Variants in ARHGEF10L observed in about 807,000 individuals in gnomAD.
The protein encoded by ARHGEF10L is rho guanine nucleotide exchange factor 10-like protein.
ARHGEF10L carries 69 observed loss-of-function variants against 141.2 expected under a neutral mutation model. That is an observed-to-expected ratio of 0.49 (90% CI 0.40 to 0.60). The LOEUF (loss-of-function observed/expected upper bound fraction) is 0.60, where lower values mean the gene tolerates loss of function less well. Among genes scored for constraint, ARHGEF10L ranks in the 20% least tolerant of loss-of-function variants. The probability of loss-of-function intolerance (pLI) is 0.00; values close to 1 mark genes in which losing one functional copy is unlikely to be tolerated. For missense variants in ARHGEF10L, 1,482 were observed against 1,734.3 expected (o/e 0.85, Z 2.58); for synonymous variants, 711 against 718.5 (o/e 0.99, Z 0.17).
intron 4 of ARHGEF10L, among the ~76,000 whole-genome samples, chr1:17,596,054 C>T (rs74059337): frequency 6.0e-4 from 91 of 152,312 alleles, no homozygotes; most frequent in Non-Finnish European, 1.2e-3. Context: ...TTCTTCCCCC[C>T]TCACGCCTGG....
chr1:17,653,236 G>A (rs978415786), intron 22 of ARHGEF10L, among the ~76,000 whole-genome samples: 4 of 152,214 alleles, frequency 2.6e-5, no homozygotes, highest in Non-Finnish European at 4.4e-5. Flanking sequence ...TGGGGCTGGA[G>A]CCGTGTTGGC....
intron 19 of ARHGEF10L, 140 bp from the exon 20 acceptor site, chr1:17,638,422 C>A: frequency 1.6e-6 from 2 of 1,282,136 alleles, no homozygotes; most frequent in Non-Finnish European, 2.1e-6. Flanking sequence ...CTGCGTGGGG[C>A]TAAATGTGCA....
intron 1 of ARHGEF10L, among the ~76,000 whole-genome samples, chr1:17,570,731 C>T (rs2077960854): frequency 6.6e-6 from 1 of 151,918 alleles, no homozygotes; most frequent in African/African-American, 2.4e-5. Context: ...TTGAATAGCC[C>T]AGGTGAGAGA....
chr1:17,594,188 G>A (rs2079859227), intron 4 of ARHGEF10L, among the ~76,000 whole-genome samples: 1 of 152,000 alleles, frequency 6.6e-6, no homozygotes, highest in Non-Finnish European at 1.5e-5. Context: ...CGCTCTGAGA[G>A]CTTTCCCTCC....
intron 26 of ARHGEF10L, among the ~76,000 whole-genome samples, chr1:17,668,707 A>G (rs2063132985): frequency 6.6e-6 from 1 of 152,232 alleles, no homozygotes; most frequent in Non-Finnish European, 1.5e-5. Context: ...ATGTGCAGCC[A>G]GGGAAATGGA....
intron 9 of ARHGEF10L, chr1:17,618,348 C>T (rs780963702): frequency 6.5e-7 from 1 of 1,538,132 alleles, no homozygotes; most frequent in Non-Finnish European, 8.8e-7. Context: ...GAATCACAGG[C>T]CAAGAATGTT....
intron 6 of ARHGEF10L, among the ~76,000 whole-genome samples, chr1:17,605,818 T>C (rs2081120850): frequency 6.6e-6 from 1 of 152,194 alleles, no homozygotes; most frequent in South Asian, 2.1e-4. Flanking sequence ...CTTTGGCCAC[T>C]AGTTCAGGGG....
chr1:17,598,599 C>T (rs1057512400), intron 4 of ARHGEF10L, among the ~76,000 whole-genome samples: 5 of 152,164 alleles, frequency 3.3e-5, no homozygotes. Context: ...GGGCTCTGCT[C>T]TTATGACCTA....
At chr1:17,530,169 G>A in the ARHGEF10L span, among the ~76,000 whole-genome samples, 4 of 152,196 alleles carry the variant, frequency 2.6e-5, no homozygotes, top group South Asian at 2.1e-4. Flanking sequence ...GCAGCTCCTG[G>A]AATGGTGCTG....
Position 17,619,960 on chromosome 1 carries a change from C to T in ARHGEF10L, c.942+515C>T, listed in dbSNP as rs116189249. ...CCCCAGCACTTTGGGAGGGTGAAGC[C>T]GGTGGGTCAGCTGAGGTCAGGAGTT... On this transcript the variant is annotated intron_variant, in intron 10 of 28. Transcript: ENST00000361221. The surrounding 1 kb of genome is among the most constrained non-coding windows in gnomAD (Gnocchi z 5.0). Among the ~76,000 whole-genome samples, 3 of 151,806 alleles carry T rather than the reference C, an allele frequency of 2.0e-5. No homozygotes were observed. The highest frequency in any genetic ancestry group is 4.4e-5 in the Non-Finnish European group (3 of 67,956).
At chr1:17,567,643 C>A (rs1445517906) in intron 1 of ARHGEF10L, among the ~76,000 whole-genome samples, 3 of 152,192 alleles carry the variant, frequency 2.0e-5, no homozygotes, top group African/African-American at 7.2e-5. Flanking sequence ...GCTGGGATTA[C>A]AGGCGTGAAC....
Position 17,567,559 on chromosome 1 carries a change from G to A in ARHGEF10L, c.-43-12994G>A, listed in dbSNP as rs530357362. Among the ~76,000 whole-genome samples the A allele has an allele frequency of 2.0e-5, 3 of 152,200 alleles. No individual in the cohort carries two copies. In the East Asian group the frequency reaches 5.8e-4, roughly 29 times the overall value. On this transcript the variant is annotated intron_variant, in intron 1 of 28. Coordinates refer to ENST00000361221, the MANE Select transcript of ARHGEF10L (RefSeq NM_018125.4). ...TTTTTTGTATTTTTAGTAGAGACAG[G>A]GTTTTACCATGTTGGTCAGACTGGT...
rs761515390 is a variant in ARHGEF10L at position 17,638,852 on chromosome 1, G to A, written c.2171+163G>A. On this transcript the variant is annotated intron_variant, in intron 20 of 28. Coordinates refer to ENST00000361221, the MANE Select transcript of ARHGEF10L (RefSeq NM_018125.4). The stretch of plus-strand genomic sequence containing the variant: ...CCATGTCTGGGATAGCATCTGGCAC[G>A]CAGTAGGTGCTCATGAAAAGACTGT... Among the ~76,000 whole-genome samples, 7 of 152,184 alleles carry A rather than the reference G, an allele frequency of 4.6e-5. No homozygotes were observed. In the East Asian group the frequency reaches 5.8e-4, roughly 13 times the overall value.
At position 17,616,000 on chromosome 1, in the gene ARHGEF10L, T is replaced by C; in HGVS notation, c.727-94T>C. On this transcript the variant is annotated intron_variant, in intron 8 of 28. Coordinates refer to ENST00000361221, the MANE Select transcript of ARHGEF10L (RefSeq NM_018125.4). This position sits in a 1 kb window ranked among gnomAD's most constrained non-coding sequence, Gnocchi z 4.7. ...GAGGGAAGGGTCTGGGTGGTTCTGA[T>C]CTCTGCAGGCCGAGGCCTGGGGAGG... 1 of 1,029,364 alleles carries C rather than the reference T, an allele frequency of 9.7e-7. No individual in the cohort carries two copies. Among genetic ancestry groups the C allele is most frequent in the Non-Finnish European group, 1.5e-6 (1 of 661,262 alleles). 63.8% of individuals were successfully genotyped at this position (1,029,364 alleles called of 1,614,324 possible).
At chr1:17,544,497 G>A (rs2076847332) in intron 1 of ARHGEF10L, among the ~76,000 whole-genome samples, 1 of 151,826 alleles carries the variant, frequency 6.6e-6, no homozygotes. Context: ...GTTTCACCAT[G>A]TGGGCCAGGC....
chr1:17,680,743 C>CT (rs554689045), intron 26 of ARHGEF10L, among the ~76,000 whole-genome samples: 225 of 129,838 alleles, frequency 1.7e-3, no homozygotes, highest in South Asian at 6.0e-3. Context: ...CAACTGCCAG[C>CT]TTTTTTTTTT....
intron 25 of ARHGEF10L, among the ~76,000 whole-genome samples, chr1:17,659,732 C>T (rs2062493664): frequency 6.6e-6 from 1 of 152,234 alleles, no homozygotes; most frequent in Admixed American, 6.5e-5. Flanking sequence ...TGTTCACTGT[C>T]CTGCCGGGTT....
rs75729711 is a variant in ARHGEF10L at position 17,568,805 on chromosome 1, G to T, written c.-43-11748G>T. Among the ~76,000 whole-genome samples, 126 of 152,226 alleles carry T rather than the reference G, an allele frequency of 8.3e-4. 3 individuals are homozygous for T. The East Asian group carries it at 0.016, about 20-fold the overall frequency. On this transcript the variant is annotated intron_variant, in intron 1 of 28. Transcript: ENST00000361221. ...GTGTTTGGGAACAGTTCTCTTGGGG[G>T]ATCCTGGTCCCGGATTTGACTTCAA...
intron 4 of ARHGEF10L, among the ~76,000 whole-genome samples, chr1:17,597,317 T>C (rs2080205497): frequency 6.6e-6 from 1 of 152,074 alleles, no homozygotes; most frequent in African/African-American, 2.4e-5. Flanking sequence ...GAAGGAGTGT[T>C]TGTTCACAGG....
Sources: allele counts gnomAD v4.1 joint callset (sites outside exome capture counted in the v4.1 genomes callset), GRCh38; gene constraint gnomAD v4.1.1; non-coding constraint Gnocchi (gnomAD v3.1); transcripts MANE v1.5; gene names NCBI Gene and HGNC (gene_info 2026-07-23, HGNC 2026-07-21).